The following MAN1A2 variants were observed in gnomAD, a reference collection of about 807,000 sequenced individuals.
MAN1A2 encodes the protein mannosidase alpha class 1A member 2.
MAN1A2 carries 26 observed loss-of-function variants against 75.7 expected under a neutral mutation model. The ratio of observed to expected loss-of-function variants is 0.34; its 90% CI spans 0.25 to 0.48. The LOEUF (loss-of-function observed/expected upper bound fraction) is 0.48. Ranked by LOEUF, MAN1A2 falls within the 20% of genes least tolerant of loss-of-function variation. The pLI is 0.99. For synonymous variants in MAN1A2, 247 were observed against 264.6 expected, an observed-to-expected ratio of 0.93 and a Z score of 0.65; for missense variants, 562 against 775.5, an observed-to-expected ratio of 0.72 and a Z score of 3.27.
chr1:117,458,450 G>T (rs1649672198), intron 6 of MAN1A2, among the ~76,000 whole-genome samples: 1 of 140,988 alleles, frequency 7.1e-6, no homozygotes, highest in African/African-American at 2.6e-5. Flanking sequence ...ATAACATATT[G>T]AATTGACAGA....
rs1652053722 is a variant in MAN1A2, at chr1:117,527,153, C to T, written c.*4196C>T. ...TTTAGCTCATTCAGATCAGGATGGA[C>T]ATGCTCTTTTTGATCTATAACTGTT... On this transcript the variant is annotated 3_prime_UTR_variant, in exon 13 of 13. Coordinates refer to ENST00000356554, the MANE Select transcript of MAN1A2 (RefSeq NM_006699.5). 6.6e-6 allele frequency: 1 copy of T among 151,704 alleles called. No homozygotes were observed. The highest frequency in any genetic ancestry group is 6.6e-5 in the Admixed American group (1 of 15,174). 9.4% of individuals were successfully genotyped at this position (151,704 alleles called of 1,614,324 possible). A position where few individuals can be genotyped will look rare whatever the true frequency, so the allele number is the denominator to read the frequency against.
chr1:117,465,489 C>T (rs12406940), intron 7 of MAN1A2, among the ~76,000 whole-genome samples: 11,615 of 152,080 alleles, frequency 0.076, 499 homozygotes, highest in Middle Eastern at 0.15. Context: ...AAATGAATGA[C>T]GATGGGAAAC....
At chr1:117,504,578 A>G (rs546916547) in intron 12 of MAN1A2, among the ~76,000 whole-genome samples, 1 of 151,422 alleles carries the variant, frequency 6.6e-6, no homozygotes, top group South Asian at 2.1e-4. Flanking sequence ...CTTAATATTC[A>G]TATAATAATG....
chr1:117,374,549 A>G (rs941633477), intron 1 of MAN1A2, among the ~76,000 whole-genome samples: 2 of 152,110 alleles, frequency 1.3e-5, no homozygotes, highest in Middle Eastern at 3.2e-3. Context: ...ATTCTTTCCA[A>G]TGATCTGTTT....
intron 6 of MAN1A2, among the ~76,000 whole-genome samples, chr1:117,450,173 G>C (rs958432682): frequency 6.6e-6 from 1 of 152,244 alleles, no homozygotes; most frequent in Non-Finnish European, 1.5e-5. Flanking sequence ...CCAGGCTGAA[G>C]TGGTCTCAGA....
chr1:117,410,898 A>C (rs932771345), intron 3 of MAN1A2, among the ~76,000 whole-genome samples: 2 of 151,868 alleles, frequency 1.3e-5, no homozygotes, highest in Admixed American at 6.6e-5. Flanking sequence ...TAAATTTGAC[A>C]AAATATGTAC....
intron 5 of MAN1A2, among the ~76,000 whole-genome samples, chr1:117,431,969 A>G (rs900161570): frequency 2.6e-5 from 4 of 152,152 alleles, no homozygotes; most frequent in East Asian, 1.9e-4. Context: ...AAAAACAAGC[A>G]CGATCTTTGA....
At chr1:117,514,315 A>T (rs963064640) in intron 12 of MAN1A2, among the ~76,000 whole-genome samples, 2 of 151,608 alleles carry the variant, frequency 1.3e-5, no homozygotes, top group Non-Finnish European at 2.9e-5. Flanking sequence ...GTGAACCAAG[A>T]TCATGCCACT....
At chr1:117,386,891 A>G (rs1002571658) in intron 1 of MAN1A2, among the ~76,000 whole-genome samples, 1 of 152,126 alleles carries the variant, frequency 6.6e-6, no homozygotes, top group Non-Finnish European at 1.5e-5. Context: ...CACCTGAGTG[A>G]TAGAGTGAGA....
chr1:117,450,090 A>G (rs1163076481), intron 6 of MAN1A2, among the ~76,000 whole-genome samples: 1 of 152,198 alleles, frequency 6.6e-6, no homozygotes, highest in Non-Finnish European at 1.5e-5. Flanking sequence ...AAAATGTGGG[A>G]AAGTTTGGAA....
chr1:117,399,905 A>C (rs1379175164), intron 1 of MAN1A2, among the ~76,000 whole-genome samples: 1 of 152,104 alleles, frequency 6.6e-6, no homozygotes, highest in African/African-American at 2.4e-5. Context: ...CCTTAGCTGC[A>C]AGGACAGCTG....
At chr1:117,392,738 A>G (rs1653766204) in intron 1 of MAN1A2, among the ~76,000 whole-genome samples, 1 of 152,256 alleles carries the variant, frequency 6.6e-6, no homozygotes, top group South Asian at 2.1e-4. Flanking sequence ...CTACAGAAAC[A>G]AAATCTTTTA....
At chr1:117,462,844 TA>T (rs1248121127) in intron 7 of MAN1A2, among the ~76,000 whole-genome samples, 1 of 152,118 alleles carries the variant, frequency 6.6e-6, no homozygotes, top group East Asian at 1.9e-4. Flanking sequence ...AAAGTCAAGA[TA>T]ATGACAAATA....
At chr1:117,428,155 C>T (rs1433631450) in intron 5 of MAN1A2, among the ~76,000 whole-genome samples, 1 of 151,608 alleles carries the variant, frequency 6.6e-6, no homozygotes, top group Non-Finnish European at 1.5e-5. Context: ...ACTCTTGTCA[C>T]CCAGACTGGA....
At chr1:117,402,841 A>G (rs1248695566) in intron 2 of MAN1A2, among the ~76,000 whole-genome samples, 1 of 152,134 alleles carries the variant, frequency 6.6e-6, no homozygotes, top group Non-Finnish European at 1.5e-5. Context: ...AAGAGCTAGC[A>G]TTATATCTCC....
chr1:117,455,666 T>C, intron 6 of MAN1A2, among the ~76,000 whole-genome samples: 1 of 152,200 alleles, frequency 6.6e-6, no homozygotes, highest in Non-Finnish European at 1.5e-5. Context: ...CCAGTGAGTA[T>C]TTAAAATGTA....
chr1:117,489,126 G>A (rs781695020), intron 8 of MAN1A2, among the ~76,000 whole-genome samples: 64 of 151,942 alleles, frequency 4.2e-4, no homozygotes, highest in Admixed American at 3.7e-3. Flanking sequence ...TCCATAGTAC[G>A]TTTATATCGT....
chr1:117,429,514 G>A (rs1418844769), intron 5 of MAN1A2, among the ~76,000 whole-genome samples: 1 of 93,720 alleles, frequency 1.1e-5, no homozygotes, highest in Non-Finnish European at 2.4e-5. Flanking sequence ...CGGACGGGGC[G>A]GCTGGCCGGG....
At chr1:117,431,217 G>A (rs1557947858) in intron 5 of MAN1A2, among the ~76,000 whole-genome samples, 1 of 53,134 alleles carries the variant, frequency 1.9e-5, no homozygotes, top group South Asian at 1.4e-3. Context: ...GGGAGGGGGA[G>A]GGGGAGGGGG....
Sources: gnomAD v4.1 joint callset for allele counts (sites outside exome capture counted in the v4.1 genomes callset) on GRCh38, gnomAD v4.1.1 for gene constraint, MANE v1.5 for transcripts, NCBI Gene and HGNC (gene_info 2026-07-23, HGNC 2026-07-21) for gene names.